The following FAAP20 variants were observed in gnomAD, a reference collection of about 807,000 sequenced individuals.
FAAP20 encodes the protein Fanconi anemia core complex-associated protein 20.
In FAAP20, 12 loss-of-function variants were observed where a neutral mutation model predicts 16.2. That is an observed-to-expected ratio of 0.74 (90% CI 0.48 to 1.20). The LOEUF (loss-of-function observed/expected upper bound fraction) is 1.20, where lower values mean the gene tolerates loss of function less well. FAAP20 is among the 50% of genes most tolerant of loss of function. The pLI is 0.00. For synonymous variants in FAAP20, 141 were observed against 110.7 expected (o/e 1.27, Z -1.72); for missense variants, 288 against 245.8 (o/e 1.17, Z -1.15).
intron 3 of FAAP20, chr1:2,191,903 G>T: frequency 3.0e-6 from 3 of 985,418 alleles, no homozygotes; most frequent in Non-Finnish European, 3.6e-6. Flanking sequence ...TGTCCAAATA[G>T]GACCACAAGA....
intron 3 of FAAP20, chr1:2,190,165 C>G (rs1175722477): frequency 2.0e-6 from 1 of 487,814 alleles, no homozygotes. Context: ...GGAGAGCCGC[C>G]GCGGCTGCGT....
At chr1:2,197,235 C>G (rs1479317017), upstream of FAAP20, among the ~76,000 whole-genome samples, 1 of 152,228 alleles carries the variant, frequency 6.6e-6, no homozygotes, top group Non-Finnish European at 1.5e-5. Context: ...AGGACCCAGC[C>G]CCCACCCCTG....
chr1:2,192,645 AC>A (rs1299717987), intron 3 of FAAP20: 7 of 1,185,924 alleles, frequency 5.9e-6, no homozygotes, highest in African/African-American at 1.6e-5. Context: ...TCAGGGTCTT[AC>A]TCTGTCACCC....
At chr1:2,190,448 G>A in intron 3 of FAAP20, 1 of 444,120 alleles carries the variant, frequency 2.3e-6, no homozygotes, top group Non-Finnish European at 4.6e-6. Flanking sequence ...ATCCAGTGGG[G>A]CCGGGAGGGG....
intron 3 of FAAP20, chr1:2,193,072 C>T: frequency 8.4e-7 from 1 of 1,197,484 alleles, no homozygotes; most frequent in South Asian, 1.3e-5. Flanking sequence ...TACGAACCAG[C>T]ATCATTCACA....
upstream of FAAP20, among the ~76,000 whole-genome samples, chr1:2,204,708 C>G (rs998563582): frequency 1.3e-5 from 2 of 152,184 alleles, no homozygotes; most frequent in Admixed American, 6.5e-5. Context: ...TGGACTTGTG[C>G]TAAACTGGCT....
At chr1:2,189,903 C>A in intron 3 of FAAP20, 122 bp from the exon 4 acceptor site, 1 of 807,450 alleles carries the variant, frequency 1.2e-6, no homozygotes, top group Non-Finnish European at 2.1e-6. Context: ...TGGTCAGAAA[C>A]AAGGGACGGG....
chr1:2,203,018 C>T (rs1170189144), upstream of FAAP20, among the ~76,000 whole-genome samples: 1 of 152,206 alleles, frequency 6.6e-6, no homozygotes, highest in Admixed American at 6.5e-5. Context: ...GGTGACTGGA[C>T]AACAGTGCTG....
downstream of FAAP20, among the ~76,000 whole-genome samples, chr1:2,189,233 T>C (rs893234423): frequency 6.8e-6 from 1 of 147,256 alleles, no homozygotes; most frequent in Non-Finnish European, 1.5e-5. Context: ...TTCAGGAGGC[T>C]GAGGTGGGAG....
At chr1:2,199,688 T>G, upstream of FAAP20, 1 of 956,702 alleles carries the variant, frequency 1.0e-6, no homozygotes, top group Non-Finnish European at 1.2e-6. This position sits in a 1 kb window ranked among gnomAD's most constrained non-coding sequence, Gnocchi z 4.5. Context: ...GTGGCCTCGC[T>G]CGGAAGCAAG....
At chr1:2,198,928 G>A (rs753786418), upstream of FAAP20, 1 of 1,289,740 alleles carries the variant, frequency 7.8e-7, no homozygotes, top group South Asian at 1.2e-5. Flanking sequence ...GTGAGAGACA[G>A]TTGCCTGGGA....
downstream of FAAP20, among the ~76,000 whole-genome samples, chr1:2,211,038 T>G (rs1055988441): frequency 6.6e-6 from 1 of 152,080 alleles, no homozygotes; most frequent in African/African-American, 2.4e-5. Context: ...CTGTGCGACC[T>G]GGGGCCAGGG....
At chr1:2,184,578 C>G, downstream of FAAP20, 1 of 1,612,582 alleles carries the variant, frequency 6.2e-7, no homozygotes. Context: ...TATTGTTTTT[C>G]CAAGCTGGAG....
upstream of FAAP20, chr1:2,194,798 C>T (rs1200883631): frequency 6.7e-6 from 7 of 1,038,326 alleles, no homozygotes; most frequent in Non-Finnish European, 8.2e-6. Flanking sequence ...CCCCGCCCCT[C>T]CAGGCCCCGC....
downstream of FAAP20, chr1:2,187,169 T>C: frequency 2.1e-6 from 1 of 471,604 alleles, no homozygotes; most frequent in South Asian, 1.6e-5. Context: ...CACCCTTGAC[T>C]GCCAGGGTCA....
downstream of FAAP20, among the ~76,000 whole-genome samples, chr1:2,211,959 G>T (rs1689461954): frequency 7.0e-6 from 1 of 143,464 alleles, no homozygotes; most frequent in South Asian, 2.2e-4. Context: ...CTGGAGTGCA[G>T]TAGTGTGATC....
chr1:2,209,388 A>G (rs939600390), downstream of FAAP20, among the ~76,000 whole-genome samples: 2 of 152,190 alleles, frequency 1.3e-5, no homozygotes, highest in African/African-American at 2.4e-5. Context: ...ACATTTGGAG[A>G]CTTAATTTTT....
upstream of FAAP20, among the ~76,000 whole-genome samples, chr1:2,202,563 A>G (rs1689091874): frequency 6.6e-6 from 1 of 152,166 alleles, no homozygotes; most frequent in South Asian, 2.1e-4. Flanking sequence ...TCCCTGGCTC[A>G]AGAAATCCTC....
downstream of FAAP20, among the ~76,000 whole-genome samples, chr1:2,207,889 G>A (rs1323251442): frequency 1.3e-5 from 2 of 151,554 alleles, no homozygotes; most frequent in African/African-American, 2.4e-5. Flanking sequence ...CGATTCAGGC[G>A]GGGCCGTTTT....
Sources: gnomAD v4.1 joint callset for allele counts (sites outside exome capture counted in the v4.1 genomes callset) on GRCh38, gnomAD v4.1.1 for gene constraint, Gnocchi (gnomAD v3.1) non-coding constraint, MANE v1.5 for transcripts, NCBI Gene and HGNC (gene_info 2026-07-23, HGNC 2026-07-21) for gene names.